The following PIK3C2G variants were observed in gnomAD, a reference collection of about 807,000 sequenced individuals.
PIK3C2G encodes phosphatidylinositol-4-phosphate 3-kinase catalytic subunit type 2 gamma.
PIK3C2G carries 168 observed loss-of-function variants against 181.1 expected under a neutral mutation model. The observed-to-expected ratio is 0.93, with a 90% CI of 0.82 to 1.05. The LOEUF is 1.05. PIK3C2G is among the 50% of genes least tolerant of loss of function. The pLI, the probability that PIK3C2G is intolerant of heterozygous loss-of-function variation, is 0.00. For missense variants in PIK3C2G, 1,869 were observed against 1,732.8 expected, an observed-to-expected ratio of 1.08 and a Z score of -1.40; for synonymous variants, 573 against 592.2, an observed-to-expected ratio of 0.97 and a Z score of 0.47.
chr12:18,266,256 T>C (rs74068690), intron 1 of PIK3C2G, among the ~76,000 whole-genome samples: 1 of 152,162 alleles, frequency 6.6e-6, no homozygotes, highest in African/African-American at 2.4e-5. Context: ...GGTATTTTTC[T>C]CCAACTAATA....
chr12:18,485,841 A>G (rs542123370), intron 18 of PIK3C2G, among the ~76,000 whole-genome samples: 1 of 152,252 alleles, frequency 6.6e-6, no homozygotes, highest in Admixed American at 6.5e-5. Flanking sequence ...CATCTTTTGA[A>G]AAGAATTTCT....
chr12:18,406,732 G>A (rs948864698), intron 16 of PIK3C2G, among the ~76,000 whole-genome samples: 5 of 152,068 alleles, frequency 3.3e-5, no homozygotes, highest in Non-Finnish European at 7.4e-5. Flanking sequence ...TTTTATCCAG[G>A]GAAAAGAGTG....
At chr12:18,726,142 C>T in the PIK3C2G span, among the ~76,000 whole-genome samples, 1 of 152,032 alleles carries the variant, frequency 6.6e-6, no homozygotes, top group Non-Finnish European at 1.5e-5. Context: ...ACAATAATTA[C>T]ATAAAGGAAT....
At chr12:18,380,648 G>C (rs1178461248) in intron 13 of PIK3C2G, among the ~76,000 whole-genome samples, 1 of 152,132 alleles carries the variant, frequency 6.6e-6, no homozygotes, top group African/African-American at 2.4e-5. Flanking sequence ...AAACAAAGAA[G>C]ACCCAAAATT....
At chr12:18,283,222 C>T (rs1394138699) in intron 2 of PIK3C2G, among the ~76,000 whole-genome samples, 2 of 152,048 alleles carry the variant, frequency 1.3e-5, no homozygotes, top group African/African-American at 2.4e-5. Context: ...CTAATTTATA[C>T]GATTGGCAGG....
chr12:18,520,533 G>C (rs548544855), intron 24 of PIK3C2G, among the ~76,000 whole-genome samples: 1 of 152,024 alleles, frequency 6.6e-6, no homozygotes, highest in East Asian at 1.9e-4. Flanking sequence ...TATGCTTCAC[G>C]AAGTTCTTGT....
At chr12:18,506,099 C>T (rs953130539) in intron 24 of PIK3C2G, among the ~76,000 whole-genome samples, 7 of 152,044 alleles carry the variant, frequency 4.6e-5, no homozygotes, top group African/African-American at 1.4e-4. Flanking sequence ...AGAGGCATCT[C>T]GGAAGACATG....
chr12:18,468,046 C>A (rs1592335289), intron 18 of PIK3C2G, among the ~76,000 whole-genome samples: 2 of 151,954 alleles, frequency 1.3e-5, no homozygotes, highest in South Asian at 4.1e-4. Flanking sequence ...ATCATCCTGT[C>A]ACTCAAACAC....
At chr12:18,658,085 C>T in the PIK3C2G span, among the ~76,000 whole-genome samples, 1 of 152,026 alleles carries the variant, frequency 6.6e-6, no homozygotes, top group Non-Finnish European at 1.5e-5. Context: ...CAGCAGTACA[C>T]TTGAGCAGAC....
chr12:18,700,070 C>T, the PIK3C2G span: 1 of 814,578 alleles, frequency 1.2e-6, no homozygotes, highest in South Asian at 1.6e-5. Flanking sequence ...AGATTATCTC[C>T]TCAAACACCA....
the PIK3C2G span, among the ~76,000 whole-genome samples, chr12:18,691,771 G>C: frequency 6.6e-6 from 1 of 152,268 alleles, no homozygotes; most frequent in Admixed American, 6.5e-5. Context: ...ATCCAGTGTT[G>C]TAGGCAATTG....
chr12:18,488,494 T>A lies in PIK3C2G; in HGVS notation c.2550T>A (p.Tyr850Ter). ...AENEAYFKSW[Y>*]QKLLAALQFC... is the part of the protein sequence containing the mutation. ...ATGAAGCTTATTTTAAAAGCTGGTA[T>A]CAGAAGCTACTAGCTGCTCTCCAAT... Residue 850 changes from tyrosine to a stop codon, truncating the protein, a stop_gained, in exon 19 of 33, where the codon TAT becomes TAA. Coordinates refer to ENST00000538779, the MANE Select transcript of PIK3C2G (RefSeq NM_001288772.2). LOFTEE classifies it high-confidence loss of function. 1 of 1,554,362 alleles carries A rather than the reference T, an allele frequency of 6.4e-7. No homozygotes were observed. Among genetic ancestry groups the A allele is most frequent in the Non-Finnish European group, 8.7e-7 (1 of 1,150,688 alleles).
chr12:18,467,946 C>T (rs1592335113), intron 18 of PIK3C2G, among the ~76,000 whole-genome samples: 1 of 152,116 alleles, frequency 6.6e-6, no homozygotes, highest in East Asian at 1.9e-4. Context: ...TTTTGCTCCC[C>T]TGAGTGGGCA....
intron 18 of PIK3C2G, among the ~76,000 whole-genome samples, chr12:18,442,847 A>G (rs1337402145): frequency 6.6e-6 from 1 of 152,012 alleles, no homozygotes; most frequent in African/African-American, 2.4e-5. Flanking sequence ...TCGGTCTACA[A>G]GTTCCTCTGT....
the PIK3C2G span, chr12:18,684,151 G>A: frequency 2.5e-6 from 4 of 1,611,600 alleles, no homozygotes; most frequent in Admixed American, 3.3e-5. Flanking sequence ...CATAGAAGTG[G>A]CAAAGTATAT....
intron 1 of PIK3C2G, among the ~76,000 whole-genome samples, chr12:18,253,882 T>C (rs1392482789): frequency 6.6e-6 from 1 of 151,838 alleles, no homozygotes; most frequent in Non-Finnish European, 1.5e-5. Flanking sequence ...AGACAGCAAT[T>C]AGCCAAACCT....
At chr12:18,636,509 G>A (rs1057036939) in intron 31 of PIK3C2G, among the ~76,000 whole-genome samples, 1 of 152,182 alleles carries the variant, frequency 6.6e-6, no homozygotes, top group African/African-American at 2.4e-5. Context: ...GGGATTACAG[G>A]TGTGAGCCAC....
chr12:18,362,772 C>T lies in PIK3C2G; in HGVS notation c.1634C>T (p.Ala545Val), dbSNP rs761492268. 5.6e-5 allele frequency: 85 copies of T among 1,515,304 alleles called. No homozygotes were observed. The highest frequency in any genetic ancestry group is 6.6e-5 in the Non-Finnish European group (75 of 1,140,262). The allele number at this position is 1,515,304 out of a possible 1,614,324, so 93.9% of individuals were successfully genotyped here. The change falls in exon 12 of 33, where the codon GCG (alanine) becomes GTG (valine). Residue 545 changes from alanine to valine, a missense_variant. Physicochemically the swap from Ala to Val is moderately conservative, Grantham distance 64. Coordinates refer to ENST00000538779, the MANE Select transcript of PIK3C2G (RefSeq NM_001288772.2). ...IPETWVHSYK[A>V]FSFTCWLTYA... is the part of the protein sequence containing the mutation. ...ATGTTGTTTCATTTTAGCTACAAAG[C>T]GTTTTCTTTTACCTGTTGGCTTACA...
At chr12:18,269,324 T>C (rs1948645799) in intron 1 of PIK3C2G, among the ~76,000 whole-genome samples, 1 of 152,160 alleles carries the variant, frequency 6.6e-6, no homozygotes, top group African/African-American at 2.4e-5. Flanking sequence ...TTAATTCACC[T>C]ATAATTTTTT....
Sources: gnomAD v4.1 joint callset for allele counts (sites outside exome capture counted in the v4.1 genomes callset) on GRCh38, gnomAD v4.1.1 for gene constraint, MANE v1.5 for transcripts, NCBI Gene and HGNC (gene_info 2026-07-23, HGNC 2026-07-21) for gene names.